The following ADGRA3 variants were observed in gnomAD, a reference collection of about 807,000 sequenced individuals.
The protein encoded by ADGRA3 is G-protein coupled receptor 125.
ADGRA3 carries 56 observed loss-of-function variants against 119.8 expected under a neutral mutation model. The ratio of observed to expected loss-of-function variants is 0.47; its 90% CI spans 0.38 to 0.58. The LOEUF is 0.58. Ranked by LOEUF, ADGRA3 falls within the 20% of genes least tolerant of loss-of-function variation. The pLI, the probability that ADGRA3 is intolerant of heterozygous loss-of-function variation, is 0.00. For synonymous variants in ADGRA3, 607 were observed against 623.8 expected, an observed-to-expected ratio of 0.97 and a Z score of 0.40; for missense variants, 1,516 against 1,649.0, an observed-to-expected ratio of 0.92 and a Z score of 1.40.
At chr4:22,417,605 ACTGT>A (rs1259881623) in intron 12 of ADGRA3, among the ~76,000 whole-genome samples, 1 of 152,188 alleles carries the variant, frequency 6.6e-6, no homozygotes, top group Non-Finnish European at 1.5e-5. Flanking sequence ...CTGAACCCAG[ACTGT>A]CTGGCTACAG....
At chr4:22,436,691 A>G in intron 8 of ADGRA3, 50 bp from the exon 9 acceptor site, 1 of 1,471,296 alleles carries the variant, frequency 6.8e-7, no homozygotes, top group Non-Finnish European at 9.5e-7. Flanking sequence ...ACACGGGTAC[A>G]TCAAGAATAA....
At chr4:22,493,719 G>T (rs1006886408) in intron 1 of ADGRA3, among the ~76,000 whole-genome samples, 1 of 152,212 alleles carries the variant, frequency 6.6e-6, no homozygotes, top group Non-Finnish European at 1.5e-5. Context: ...ACCAGAGCAA[G>T]TCCATCTTGA....
At chr4:22,474,185 TAC>T (rs1298942363) in intron 1 of ADGRA3, among the ~76,000 whole-genome samples, 2 of 152,216 alleles carry the variant, frequency 1.3e-5, no homozygotes, top group African/African-American at 2.4e-5. Context: ...GCAAGTTGAA[TAC>T]ACATTTTTAA....
intron 7 of ADGRA3, among the ~76,000 whole-genome samples, chr4:22,441,916 C>T (rs189060394): frequency 1.3e-4 from 20 of 152,258 alleles, no homozygotes; most frequent in Non-Finnish European, 2.2e-4. Context: ...CAACTCAGAA[C>T]CTTTAGTTTT....
chr4:22,405,527 C>T lies in ADGRA3; in HGVS notation c.2233-2728G>A, dbSNP rs553997372. 2.1e-4 allele frequency among the ~76,000 whole-genome samples: 29 copies of T among 141,410 alleles called. No homozygotes were observed. The East Asian group carries it at 5.3e-3, about 26-fold the overall frequency. 92.8% of individuals were successfully genotyped at this position (141,410 alleles called of 152,430 possible). On this transcript the variant is annotated intron_variant, in intron 14 of 18. Transcript: ENST00000334304. ...CGCCACTGCACTCCAGCCTGGGCAA[C>T]AGAGCAAACCCCTATTTCTAAAAAA...
intron 14 of ADGRA3, among the ~76,000 whole-genome samples, chr4:22,411,108 C>T (rs183844019): frequency 3.3e-5 from 5 of 152,268 alleles, no homozygotes; most frequent in East Asian, 1.9e-4. Flanking sequence ...AATATCACAG[C>T]GAAGGCTTAT....
intron 11 of ADGRA3, among the ~76,000 whole-genome samples, chr4:22,423,933 A>G (rs565095095): frequency 5.2e-5 from 8 of 152,384 alleles, no homozygotes; most frequent in African/African-American, 1.9e-4. Flanking sequence ...ATTACTCAAA[A>G]GCAAAATTAA....
intron 10 of ADGRA3, among the ~76,000 whole-genome samples, chr4:22,428,744 A>G (rs549539391): frequency 8.5e-5 from 13 of 152,268 alleles, no homozygotes; most frequent in Non-Finnish European, 2.9e-5. Context: ...CAAGTTTTAA[A>G]AGTGTATTTG....
chr4:22,475,459 G>A (rs1437069567), intron 1 of ADGRA3, among the ~76,000 whole-genome samples: 2 of 152,170 alleles, frequency 1.3e-5, no homozygotes, highest in African/African-American at 2.4e-5. Context: ...GAGGCCGGGG[G>A]CGGCGGCTCA....
chr4:22,455,919 C>T, intron 3 of ADGRA3: 1 of 790,764 alleles, frequency 1.3e-6, no homozygotes, highest in Non-Finnish European at 1.8e-6. Flanking sequence ...TGGAATAATT[C>T]ATCACACTTT....
At chr4:22,508,893 C>G (rs1172747016) in intron 1 of ADGRA3, among the ~76,000 whole-genome samples, 1 of 152,180 alleles carries the variant, frequency 6.6e-6, no homozygotes, top group Non-Finnish European at 1.5e-5. Flanking sequence ...CCCATTTTCC[C>G]CTTGCCCTGC....
At position 22,413,313 on chromosome 4, in the gene ADGRA3, C is replaced by T. The variant is rs772544398; in HGVS notation, c.2101G>A (p.Ala701Thr). 26 of 1,614,004 alleles carry T rather than the reference C, an allele frequency of 1.6e-5. No individual in the cohort carries two copies. Among genetic ancestry groups the T allele is most frequent in the Non-Finnish European group, 1.9e-5 (23 of 1,180,004 alleles). The change falls in exon 14 of 19, where the codon GCA (alanine) becomes ACA (threonine). Residue 701 changes from alanine to threonine, a missense_variant. By Grantham distance (58) the Ala-to-Thr change is moderately conservative. Transcript: ENST00000334304. Reference protein sequence around the residue: ...RRIAHGADAVAARWDFDLLNG... With the variant: ...RRIAHGADAVTARWDFDLLNG... ...AGCAAATCGAAATCCCACCGGGCTG[C>T]AACAGCATCTGCTCCATGTGCAATT... is the stretch of plus-strand genomic sequence containing the variant.
intron 6 of ADGRA3, chr4:22,443,085 G>A: frequency 2.9e-6 from 2 of 685,926 alleles, no homozygotes; most frequent in East Asian, 5.4e-5. Context: ...CTGACATTTA[G>A]AGTTATTCCT....
intron 2 of ADGRA3, among the ~76,000 whole-genome samples, chr4:22,462,714 T>C (rs916726703): frequency 6.6e-6 from 1 of 152,228 alleles, no homozygotes; most frequent in African/African-American, 2.4e-5. Flanking sequence ...TACCATGTGG[T>C]ATTTGATAGC....
In ADGRA3 at chr4:22,453,891, C is replaced by T. The variant is rs1356973245; in HGVS notation, c.473+975G>A. On this transcript the variant is annotated intron_variant, in intron 4 of 18. Transcript: ENST00000334304. Reference sequence around the variant, plus strand: ...TTTGAGACAGAGTCTTGCTCTGTCACCCACAGCTGGAGTGCAGTGGCGTAA... The same window carrying T: ...TTTGAGACAGAGTCTTGCTCTGTCATCCACAGCTGGAGTGCAGTGGCGTAA... Among the ~76,000 whole-genome samples the T allele has an allele frequency of 2.6e-5, 4 of 151,986 alleles. No homozygotes were observed. The South Asian group carries it at 8.3e-4, about 32-fold the overall frequency.
intron 3 of ADGRA3, among the ~76,000 whole-genome samples, chr4:22,459,746 A>G (rs1717375242): frequency 6.6e-6 from 1 of 152,194 alleles, no homozygotes; most frequent in African/African-American, 2.4e-5. Flanking sequence ...GATGACTATA[A>G]GGAAAATAAA....
intron 14 of ADGRA3, among the ~76,000 whole-genome samples, chr4:22,412,188 C>T (rs572062692): frequency 6.6e-6 from 1 of 152,164 alleles, no homozygotes; most frequent in Non-Finnish European, 1.5e-5. Context: ...AACCTCAAAC[C>T]ATTTCTGGGA....
At chr4:22,457,429 C>A (rs2109095839) in intron 3 of ADGRA3, among the ~76,000 whole-genome samples, 1 of 152,296 alleles carries the variant, frequency 6.6e-6, no homozygotes, top group South Asian at 2.1e-4. Flanking sequence ...TGTCAAATAT[C>A]TTTATATCCC....
chr4:22,495,663 C>A (rs1376034825), intron 1 of ADGRA3, among the ~76,000 whole-genome samples: 1 of 151,444 alleles, frequency 6.6e-6, no homozygotes, highest in Admixed American at 6.6e-5. Flanking sequence ...AATCCCAGCA[C>A]TTTGGGAGGC....
Sources: gnomAD v4.1 joint callset for allele counts (sites outside exome capture counted in the v4.1 genomes callset) on GRCh38, gnomAD v4.1.1 for gene constraint, MANE v1.5 for transcripts, NCBI Gene and HGNC (gene_info 2026-07-23, HGNC 2026-07-21) for gene names.